PCDHGB4: variants seen among roughly 807,000 people sequenced by gnomAD.
PCDHGB4 encodes the protein protocadherin gamma-B4.
A neutral mutation model predicts 60.5 loss-of-function variants in PCDHGB4; 38 were observed. The ratio of observed to expected loss-of-function variants is 0.63; its 90% CI spans 0.48 to 0.82. The LOEUF (loss-of-function observed/expected upper bound fraction) is 0.82. PCDHGB4 is among the 40% of genes least tolerant of loss of function. PCDHGB4 has a pLI of 0.00. For missense variants in PCDHGB4, 1,109 were observed against 1,209.6 expected (o/e 0.92, Z 1.23); for synonymous variants, 456 against 509.7 (o/e 0.89, Z 1.42).
rs759095332 is a variant in PCDHGB4, at chr5:141,432,306, C to T, written c.2397+42025C>T. 1 of 1,614,250 alleles carries T rather than the reference C, an allele frequency of 6.2e-7. No homozygotes were observed. On this transcript the variant is annotated intron_variant, in intron 1 of 3. Coordinates refer to ENST00000519479, the MANE Select transcript of PCDHGB4 (RefSeq NM_003736.4). This position sits in a 1 kb window ranked among gnomAD's most constrained non-coding sequence, Gnocchi z 6.0. ...AACTCCGACACTGGGGTACTGTATG[C>T]GCTGAGCTCCTTCGACTACGAGCAG...
chr5:141,388,458 C>T lies in PCDHGB4; in HGVS notation c.574C>T (p.Pro192Ser). The change falls in exon 1 of 4, where the codon CCT becomes TCT. Residue 192 changes from proline to serine, a missense_variant. Around this residue, in one of 2 missense-constraint regions of PCDHGB4, gnomAD observed 1,068 missense variants for 1,089.9 expected, o/e 0.98. Coordinates refer to ENST00000519479, the MANE Select transcript of PCDHGB4 (RefSeq NM_003736.4). ...NKEKSDGSKYPEMVLKTPLDR... is the reference protein window; with the variant it reads ...NKEKSDGSKYSEMVLKTPLDR... The stretch of plus-strand genomic sequence containing the variant: ...AGAGAAATCAGATGGCAGTAAATAC[C>T]CTGAGATGGTATTGAAGACACCTTT... 6.2e-7 allele frequency: 1 copy of T among 1,613,696 alleles called. No individual in the cohort carries two copies. Among genetic ancestry groups the T allele is most frequent in the Non-Finnish European group, 8.5e-7 (1 of 1,179,864 alleles).
At chr5:141,416,115 A>G (rs2095995433) in intron 1 of PCDHGB4, 2 of 155,406 alleles carry the variant, frequency 1.3e-5, no homozygotes, top group East Asian at 1.9e-4. Context: ...TTCAAACTAC[A>G]TTTTATATAT....
At chr5:141,502,398 C>T (rs1303456458) in intron 2 of PCDHGB4, among the ~76,000 whole-genome samples, 1 of 151,688 alleles carries the variant, frequency 6.6e-6, no homozygotes, top group Non-Finnish European at 1.5e-5. Flanking sequence ...TTAAAATGTC[C>T]CCGAACCTGG....
At chr5:141,418,717 C>G in intron 1 of PCDHGB4, 2 of 1,613,938 alleles carry the variant, frequency 1.2e-6, no homozygotes, top group Non-Finnish European at 1.7e-6. Context: ...GTGTGGCTGA[C>G]AAAGCTCAGC....
intron 1 of PCDHGB4, chr5:141,423,398 G>C (rs767594062): frequency 6.8e-6 from 11 of 1,614,172 alleles, no homozygotes; most frequent in Non-Finnish European, 9.3e-6. Context: ...CATAAGTCAC[G>C]CCTGCTGCAG....
At chr5:141,447,837 G>A (rs952923627) in intron 1 of PCDHGB4, among the ~76,000 whole-genome samples, 10 of 152,170 alleles carry the variant, frequency 6.6e-5, no homozygotes, top group African/African-American at 2.4e-4. Flanking sequence ...TGTAATCCCA[G>A]TGCTTTGGGA....
At chr5:141,447,947 A>G (rs2098555998) in intron 1 of PCDHGB4, among the ~76,000 whole-genome samples, 1 of 151,958 alleles carries the variant, frequency 6.6e-6, no homozygotes, top group South Asian at 2.1e-4. Flanking sequence ...TTAGCTGGGC[A>G]TGGTGGCGGA....
intron 1 of PCDHGB4, chr5:141,409,913 G>C (rs769370742): frequency 1.9e-6 from 3 of 1,613,334 alleles, no homozygotes; most frequent in East Asian, 2.2e-5. Flanking sequence ...GGGTCCTGAC[G>C]GCTCCGCGTT....
At position 141,499,027 on chromosome 5, in the gene PCDHGB4, A is replaced by AG. The variant is rs1323149397; in HGVS notation, c.2456+4163dup. 7.4e-3 allele frequency among the ~76,000 whole-genome samples: 1,116 copies of AG among 149,928 alleles called. 12 individuals are homozygous for AG. Among genetic ancestry groups the AG allele is most frequent in the African/African-American group, 0.026 (1,074 of 40,604 alleles). On this transcript the variant is annotated intron_variant, in intron 2 of 3. Transcript: ENST00000519479. ...AAGGAAGGAAGGAAGGAAGGAAGGA[A>AG]GAAAAGAAAGAAAAAGGGAGAAAAA...
intron 1 of PCDHGB4, chr5:141,392,672 T>C (rs1375291090): frequency 4.5e-6 from 4 of 880,364 alleles, no homozygotes; most frequent in Non-Finnish European, 6.7e-6. Flanking sequence ...AACTAACTGC[T>C]GGACTGCAGC....
intron 1 of PCDHGB4, chr5:141,478,619 A>G: frequency 6.4e-7 from 1 of 1,555,598 alleles, no homozygotes; most frequent in Non-Finnish European, 8.7e-7. Context: ...GAAGGAATGG[A>G]GCTGTTTTTT....
chr5:141,505,523 G>A, intron 3 of PCDHGB4, 42 bp downstream of exon 3: 1 of 1,612,760 alleles, frequency 6.2e-7, no homozygotes, highest in Middle Eastern at 1.7e-4. Flanking sequence ...GGGAGACCTG[G>A]GGTTCTGGGG....
At chr5:141,474,126 A>G (rs1450071391) in intron 1 of PCDHGB4, among the ~76,000 whole-genome samples, 2 of 152,232 alleles carry the variant, frequency 1.3e-5, no homozygotes, top group African/African-American at 4.8e-5. Context: ...AAAATCTCAG[A>G]AAACTACAGG....
Position 141,485,731 on chromosome 5 carries a change from C to T in PCDHGB4, c.2398-9076C>T, listed in dbSNP as rs1440070106. The T allele has an allele frequency of 1.9e-6, 3 of 1,614,036 alleles. No individual in the cohort carries two copies. The highest frequency in any genetic ancestry group is 2.2e-5 in the South Asian group (2 of 91,080). On this transcript the variant is annotated intron_variant, in intron 1 of 3. Transcript: ENST00000519479. This position sits in a 1 kb window ranked among gnomAD's most constrained non-coding sequence, Gnocchi z 5.7. ...TTGCACTGGATGTGAAGAAGCGCAG[C>T]GACGGCAGCCTGGTCCCAGAGCTGC...
chr5:141,404,540 A>G, intron 1 of PCDHGB4: 2 of 1,613,920 alleles, frequency 1.2e-6, no homozygotes, highest in Non-Finnish European at 1.7e-6. Context: ...AGATTTGCAA[A>G]TGCAGGTGAC....
rs549955923 is a variant in PCDHGB4, at chr5:141,409,897, A to G, written c.2397+19616A>G. 8.7e-6 allele frequency: 14 copies of G among 1,613,204 alleles called. No individual in the cohort carries two copies. The South Asian group carries it at 1.3e-4, about 15-fold the overall frequency. On this transcript the variant is annotated intron_variant, in intron 1 of 3. Coordinates refer to ENST00000519479, the MANE Select transcript of PCDHGB4 (RefSeq NM_003736.4). ...ACAACGCACCGCGGGTGCTGTACCC[A>G]GCTCTGGGTCCTGACGGCTCCGCGT...
rs561359605 is a variant in PCDHGB4 at position 141,400,125 on chromosome 5, G to A, written c.2397+9844G>A. ...TGGTCTTTGCTGACAGCTTGCAGGA[G>A]GTGCTGCCGGATATCACTGACCGCC... On this transcript the variant is annotated intron_variant, in intron 1 of 3. Coordinates refer to ENST00000519479, the MANE Select transcript of PCDHGB4 (RefSeq NM_003736.4). The A allele has an allele frequency of 2.5e-4, 399 of 1,614,072 alleles. 3 individuals are homozygous for A. In the Admixed American group the frequency reaches 6.3e-3, roughly 26 times the overall value.
At position 141,389,284 on chromosome 5, in the gene PCDHGB4, C is replaced by A; in HGVS notation, c.1400C>A (p.Ala467Asp). 1 of 1,614,048 alleles carries A rather than the reference C, an allele frequency of 6.2e-7. No individual in the cohort carries two copies. Among genetic ancestry groups the A allele is most frequent in the Non-Finnish European group, 8.5e-7 (1 of 1,179,898 alleles). Reference sequence around the variant, plus strand: ...GTGGCCGAGAACAACCCGCCTGGAGCCTCTATTTCACAAGTCAGGGCTTCT... The same window carrying A: ...GTGGCCGAGAACAACCCGCCTGGAGACTCTATTTCACAAGTCAGGGCTTCT... ...VHVAENNPPG[A>D]SISQVRASDP... is the part of the protein sequence containing the mutation. The change falls in exon 1 of 4, where the codon GCC becomes GAC. Residue 467 changes from alanine (A) to aspartate (D), a missense_variant. By Grantham distance (126) the Ala-to-Asp change is moderately radical. Around this residue, in one of 2 missense-constraint regions of PCDHGB4, gnomAD observed 1,068 missense variants for 1,089.9 expected, o/e 0.98. Coordinates refer to ENST00000519479, the MANE Select transcript of PCDHGB4 (RefSeq NM_003736.4).
intron 2 of PCDHGB4, among the ~76,000 whole-genome samples, chr5:141,503,984 C>T (rs967348519): frequency 2.0e-5 from 3 of 152,184 alleles, no homozygotes; most frequent in African/African-American, 7.2e-5. Context: ...AACCCTTCTT[C>T]TTACCTTACA....
Sources: gnomAD v4.1 joint callset for allele counts (sites outside exome capture counted in the v4.1 genomes callset) on GRCh38, gnomAD v4.1.1 for gene constraint, gnomAD v4.1.1 regional missense constraint, Gnocchi (gnomAD v3.1) non-coding constraint, MANE v1.5 for transcripts, NCBI Gene and HGNC (gene_info 2026-07-23, HGNC 2026-07-21) for gene names.